Variants in QTGAL observed in about 807,000 individuals in gnomAD.
The protein encoded by QTGAL is queuosine-tRNA galactosyltransferase.
the QTGAL span, among the ~76,000 whole-genome samples, chr17:82,965,148 G>T: frequency 7.1e-6 from 1 of 140,346 alleles, no homozygotes; most frequent in Non-Finnish European, 1.5e-5. Context: ...ACACCTGCAG[G>T]TGCACTCCCA....
At chr17:82,976,860 A>G in the QTGAL span, among the ~76,000 whole-genome samples, 20 of 19,640 alleles carry the variant, frequency 1.0e-3, 1 homozygote, top group Admixed American at 2.3e-3. Flanking sequence ...CCTCCCAGGG[A>G]CCAGAGGCCA....
chr17:82,965,329 C>T, the QTGAL span, among the ~76,000 whole-genome samples: 6 of 152,302 alleles, frequency 3.9e-5, 1 homozygote, highest in South Asian at 1.2e-3. Flanking sequence ...AGAGACAGCT[C>T]TGCCAAAAGC....
chr17:82,954,093 G>A, the QTGAL span, among the ~76,000 whole-genome samples: 2 of 152,118 alleles, frequency 1.3e-5, no homozygotes, highest in African/African-American at 4.8e-5. Context: ...CACAAGACAA[G>A]GATGGCCTCT....
chr17:82,976,921 G>A, the QTGAL span, among the ~76,000 whole-genome samples: 5 of 20,322 alleles, frequency 2.5e-4, 1 homozygote, highest in Admixed American at 1.0e-3. Context: ...CCTCCCAGGG[G>A]CTGGAGGCCA....
the QTGAL span, among the ~76,000 whole-genome samples, chr17:83,025,537 G>A: frequency 0.13 from 2,786 of 20,928 alleles, 237 homozygotes; most frequent in Middle Eastern, 0.21. Flanking sequence ...ACACACACAC[G>A]GACACCGCGG....
At chr17:82,959,538 C>T in the QTGAL span, among the ~76,000 whole-genome samples, 2 of 151,954 alleles carry the variant, frequency 1.3e-5, no homozygotes, top group Admixed American at 6.6e-5. Flanking sequence ...CACCAGGTGA[C>T]GCAGCCTCGC....
the QTGAL span, among the ~76,000 whole-genome samples, chr17:83,007,633 G>A: frequency 4.6e-5 from 7 of 152,162 alleles, no homozygotes; most frequent in Admixed American, 1.3e-4. Flanking sequence ...GCTGGGGCAT[G>A]AGAGGCGCCT....
the QTGAL span, among the ~76,000 whole-genome samples, chr17:83,000,948 T>C: frequency 2.0e-5 from 3 of 151,846 alleles, no homozygotes; most frequent in Non-Finnish European, 4.4e-5. Flanking sequence ...CATGGTTGCA[T>C]GGTGTGGGGA....
chr17:82,991,572 C>T, the QTGAL span, among the ~76,000 whole-genome samples: 2 of 152,304 alleles, frequency 1.3e-5, no homozygotes, highest in East Asian at 3.9e-4. Context: ...ACCTGGAAAG[C>T]CTTTCCAAGA....
chr17:82,997,920 T>TAA, the QTGAL span, among the ~76,000 whole-genome samples: 381 of 137,592 alleles, frequency 2.8e-3, no homozygotes, highest in African/African-American at 7.6e-3. Context: ...TTAATGGGTT[T>TAA]AAAAAAAAAA....
chr17:82,952,475 C>G, the QTGAL span, among the ~76,000 whole-genome samples: 1 of 152,114 alleles, frequency 6.6e-6, no homozygotes, highest in South Asian at 2.1e-4. Context: ...AGGGCATTAC[C>G]TAATGGTAAA....
At chr17:82,977,346 C>T in the QTGAL span, among the ~76,000 whole-genome samples, 48 of 152,198 alleles carry the variant, frequency 3.2e-4, no homozygotes, top group African/African-American at 9.9e-4. Context: ...AACAGTAACA[C>T]CCCCCACCCA....
chr17:83,002,860 CCG>C, the QTGAL span, among the ~76,000 whole-genome samples: 1 of 89,004 alleles, frequency 1.1e-5, no homozygotes, highest in East Asian at 4.5e-4. Flanking sequence ...TCTCTGCAGT[CCG>C]CGTGTGGGAT....
chr17:82,978,884 A>G, the QTGAL span: 1 of 152,214 alleles, frequency 6.6e-6, no homozygotes, highest in Non-Finnish European at 1.5e-5. The surrounding 1 kb of genome is among the most constrained non-coding windows in gnomAD (Gnocchi z 4.8). Context: ...CCAATAATCC[A>G]TGGGCCAAAG....
the QTGAL span, among the ~76,000 whole-genome samples, chr17:82,977,839 C>T: frequency 5.3e-5 from 8 of 152,180 alleles, no homozygotes; most frequent in African/African-American, 1.4e-4. Flanking sequence ...ATGTCACACA[C>T]GAGCATGGAA....
chr17:83,013,016 C>G, the QTGAL span, among the ~76,000 whole-genome samples: 1 of 152,154 alleles, frequency 6.6e-6, no homozygotes, highest in East Asian at 1.9e-4. Context: ...CCTGTGGCCC[C>G]GATTGCCATG....
chr17:83,030,341 G>A, the QTGAL span, among the ~76,000 whole-genome samples: 2 of 152,176 alleles, frequency 1.3e-5, no homozygotes, highest in Non-Finnish European at 2.9e-5. Flanking sequence ...GAATGAGCGC[G>A]AATAAAGCAG....
the QTGAL span, among the ~76,000 whole-genome samples, chr17:82,989,992 CTTTT>C: frequency 2.0e-5 from 3 of 152,330 alleles, no homozygotes; most frequent in East Asian, 3.9e-4. Context: ...TAACCGCTTT[CTTTT>C]AAGACATGGC....
the QTGAL span, among the ~76,000 whole-genome samples, chr17:83,043,529 T>C: frequency 6.6e-6 from 1 of 151,986 alleles, no homozygotes; most frequent in African/African-American, 2.4e-5. Flanking sequence ...AATCAGTGCA[T>C]AGAAAGGAAT....
Sources: gnomAD v4.1 joint callset for allele counts (sites outside exome capture counted in the v4.1 genomes callset) on GRCh38, gnomAD v4.1.1 for gene constraint, Gnocchi (gnomAD v3.1) non-coding constraint, MANE v1.5 for transcripts, NCBI Gene and HGNC (gene_info 2026-07-23, HGNC 2026-07-21) for gene names.